The following LPIN1 variants were observed in gnomAD, a reference collection of about 807,000 sequenced individuals.
LPIN1 encodes the protein lipin 1.
A neutral mutation model predicts 107.5 loss-of-function variants in LPIN1; 71 were observed. The observed-to-expected ratio is 0.66, with a 90% confidence interval of 0.55 to 0.80. LPIN1 has a LOEUF of 0.80. Among genes scored for constraint, LPIN1 ranks in the 30% least tolerant of loss-of-function variants. The pLI, the probability that LPIN1 is intolerant of heterozygous loss-of-function variation, is 0.00. For synonymous variants in LPIN1, 445 were observed against 452.6 expected (o/e 0.98, Z 0.21); for missense variants, 1,043 against 1,160.6 (o/e 0.90, Z 1.47).
intron 11 of LPIN1, among the ~76,000 whole-genome samples, chr2:11,787,802 G>A (rs993901983): frequency 2.8e-4 from 42 of 152,156 alleles, no homozygotes; most frequent in African/African-American, 8.9e-4. Flanking sequence ...TTAGCTGGGC[G>A]CGGTGGCGGG....
intron 1 of LPIN1, chr2:11,683,212 A>C (rs1319214363): frequency 6.6e-6 from 1 of 152,176 alleles, no homozygotes; most frequent in Non-Finnish European, 1.5e-5. Flanking sequence ...TTAACTTGTC[A>C]GTGTCGGTTC....
At chr2:11,706,379 T>C (rs750930958) in intron 1 of LPIN1, among the ~76,000 whole-genome samples, 3 of 152,014 alleles carry the variant, frequency 2.0e-5, no homozygotes, top group Non-Finnish European at 4.4e-5. Context: ...ATAAATTACA[T>C]TGGGTGGTAA....
upstream of LPIN1, among the ~76,000 whole-genome samples, chr2:11,743,386 T>A (rs1666564093): frequency 6.6e-6 from 1 of 152,154 alleles, no homozygotes; most frequent in African/African-American, 2.4e-5. This position sits in a 1 kb window ranked among gnomAD's most constrained non-coding sequence, Gnocchi z 4.7. Context: ...CAGAACCTTT[T>A]ACACCTGCCT....
At chr2:11,732,708 G>T (rs1279255200) in intron 1 of LPIN1, among the ~76,000 whole-genome samples, 1 of 152,194 alleles carries the variant, frequency 6.6e-6, no homozygotes, top group East Asian at 1.9e-4. Context: ...TGTCCAAGAT[G>T]CATGTGTCTT....
intron 1 of LPIN1, among the ~76,000 whole-genome samples, chr2:11,681,770 T>TG (rs1301123225): frequency 6.6e-6 from 1 of 152,080 alleles, no homozygotes; most frequent in Non-Finnish European, 1.5e-5. Context: ...CATGTAGGCT[T>TG]GGGGGTTGGA....
intron 17 of LPIN1, among the ~76,000 whole-genome samples, chr2:11,814,216 G>A (rs1680178808): frequency 6.6e-6 from 1 of 152,142 alleles, no homozygotes; most frequent in Non-Finnish European, 1.5e-5. Context: ...GAGTGACTCA[G>A]GTGCTCTGGG....
chr2:11,766,604 A>T (rs923740081), intron 2 of LPIN1, among the ~76,000 whole-genome samples: 1 of 152,148 alleles, frequency 6.6e-6, no homozygotes, highest in Non-Finnish European at 1.5e-5. Context: ...CTGCCTGTCC[A>T]TGGGACCCAT....
intron 1 of LPIN1, among the ~76,000 whole-genome samples, chr2:11,759,578 T>C (rs1669309307): frequency 6.6e-6 from 1 of 152,236 alleles, no homozygotes; most frequent in Non-Finnish European, 1.5e-5. Context: ...CTATGTCTAC[T>C]TCTTTCTACA....
chr2:11,713,739 A>G (rs1398130363), intron 1 of LPIN1: 10 of 1,431,908 alleles, frequency 7.0e-6, no homozygotes, highest in African/African-American at 2.8e-5. Context: ...TTAATTTCTA[A>G]TGTTTTTGTT....
chr2:11,753,224 C>T (rs1009053113), intron 1 of LPIN1, among the ~76,000 whole-genome samples: 2 of 114,888 alleles, frequency 1.7e-5, no homozygotes, highest in East Asian at 4.4e-4. Context: ...GTGGCGGGAC[C>T]CCAGGGCTGG....
At position 11,771,357 on chromosome 2, in the gene LPIN1, G is replaced by GTGT. The variant is rs1469855435; in HGVS notation, c.289-13_289-11dup. 1.9e-6 allele frequency: 3 copies of GTGT among 1,612,668 alleles called. No homozygotes were observed. The highest frequency in any genetic ancestry group is 2.7e-5 in the African/African-American group (2 of 74,888). Reference sequence around the variant, plus strand: ...ATTAACGAGGCTCTTTTTAGAAAATGTGTTCTTTTCTTAGGAAGTTATCCC... The same window carrying GTGT: ...ATTAACGAGGCTCTTTTTAGAAAATGTGTTGTTCTTTTCTTAGGAAGTTATCCC... On this transcript the variant is annotated splice_polypyrimidine_tract_variant and intron_variant, in intron 3 of 20. Coordinates refer to ENST00000674199, the MANE Select transcript of LPIN1 (RefSeq NM_001349206.2). The surrounding 1 kb of genome is among the most constrained non-coding windows in gnomAD (Gnocchi z 4.8).
chr2:11,818,674 A>G (rs570069588), intron 18 of LPIN1: 51 of 151,910 alleles, frequency 3.4e-4, no homozygotes, highest in African/African-American at 1.0e-3. Flanking sequence ...TTTTTCTTAC[A>G]TTATTGCATT....
chr2:11,724,717 C>G (rs1042908113), intron 1 of LPIN1: 15 of 880,482 alleles, frequency 1.7e-5, no homozygotes, highest in Admixed American at 6.2e-5. Context: ...AATGTGTCCC[C>G]CATCGGGCTT....
chr2:11,815,013 A>T (rs910391317), intron 17 of LPIN1, 75 bp from the exon 18 acceptor site: 1 of 1,371,622 alleles, frequency 7.3e-7, no homozygotes, highest in Non-Finnish European at 1.0e-6. Flanking sequence ...CAGAACAGAT[A>T]TGGATCAGGA....
chr2:11,680,797 A>T (rs1572288297), intron 1 of LPIN1, among the ~76,000 whole-genome samples: 1 of 151,968 alleles, frequency 6.6e-6, no homozygotes, highest in Non-Finnish European at 1.5e-5. Context: ...TTGGTCAGGC[A>T]CCCTGCCTAT....
At chr2:11,692,608 A>G (rs1662328884) in intron 1 of LPIN1, among the ~76,000 whole-genome samples, 2 of 152,314 alleles carry the variant, frequency 1.3e-5, no homozygotes, top group South Asian at 4.1e-4. Context: ...GGAGCACGAT[A>G]CGTGCCCTAC....
In LPIN1 at chr2:11,822,427, G is replaced by A. The variant is rs572632323; in HGVS notation, c.2621+1913G>A. 1.3e-3 allele frequency among the ~76,000 whole-genome samples: 199 copies of A among 151,718 alleles called. 1 individual carries two copies. Among genetic ancestry groups the A allele is most frequent in the African/African-American group, 4.6e-3 (189 of 41,326 alleles). ...ATCATGCCACTGCCCTCCAGCCTGG[G>A]TGACAGAGTGAGACTCCATCTAAAA... is the stretch of plus-strand genomic sequence containing the variant. On this transcript the variant is annotated intron_variant, in intron 20 of 20. Coordinates refer to ENST00000674199, the MANE Select transcript of LPIN1 (RefSeq NM_001349206.2).
chr2:11,698,825 GT>G (rs1165164989), intron 1 of LPIN1, among the ~76,000 whole-genome samples: 1 of 152,200 alleles, frequency 6.6e-6, no homozygotes, highest in Non-Finnish European at 1.5e-5. Flanking sequence ...TGTCTCTCTG[GT>G]GTGTCAGCCT....
In LPIN1 at chr2:11,718,211, T is replaced by C. The variant is rs145404372; in HGVS notation, c.138+4399T>C. On this transcript the variant is annotated intron_variant, in intron 2 of 21. Coordinates refer to the LPIN1 transcript ENST00000449576. ...CTGGAGTACATTTCCAGGTAACCTC[T>C]CAGGAAAAGGGGGTCAGGATATATA... is the stretch of plus-strand genomic sequence containing the variant. Among the ~76,000 whole-genome samples the C allele has an allele frequency of 4.3e-3, 653 of 152,260 alleles. 7 individuals are homozygous for C. The highest frequency in any genetic ancestry group is 0.015 in the African/African-American group (617 of 41,544).
Sources: allele counts gnomAD v4.1 joint callset (sites outside exome capture counted in the v4.1 genomes callset), GRCh38; gene constraint gnomAD v4.1.1; non-coding constraint Gnocchi (gnomAD v3.1); transcripts MANE v1.5; gene names NCBI Gene and HGNC (gene_info 2026-07-23, HGNC 2026-07-21).